CTNND2: variants seen among roughly 807,000 people sequenced by gnomAD.
CTNND2 encodes catenin delta-2.
A neutral mutation model predicts 144.4 loss-of-function variants in CTNND2; 22 were observed. The ratio of observed to expected loss-of-function variants is 0.15; its 90% CI spans 0.11 to 0.22. CTNND2 has a LOEUF of 0.22. CTNND2 is among the 10% of genes least tolerant of loss of function. The pLI is 1.00. For missense variants in CTNND2, 1,353 were observed against 1,618.8 expected (o/e 0.84, Z 2.82); for synonymous variants, 751 against 695.6 (o/e 1.08, Z -1.25).
intron 9 of CTNND2, 142 bp downstream of exon 9, chr5:11,346,230 C>T (rs1754762887): frequency 5.5e-6 from 4 of 721,952 alleles, no homozygotes; most frequent in Non-Finnish European, 8.0e-6. Flanking sequence ...ACACACATTC[C>T]AAGTCAAACA....
chr5:11,568,149 C>A (rs1279827328), intron 2 of CTNND2, among the ~76,000 whole-genome samples: 1 of 152,156 alleles, frequency 6.6e-6, no homozygotes, highest in Non-Finnish European at 1.5e-5. Flanking sequence ...TGTGTGAGTA[C>A]CAGGCACAGT....
chr5:11,650,408 C>T (rs1186029922), intron 2 of CTNND2, among the ~76,000 whole-genome samples: 2 of 152,044 alleles, frequency 1.3e-5, no homozygotes, highest in East Asian at 3.9e-4. Flanking sequence ...TATAGCAATG[C>T]AAGAATGGAC....
At chr5:11,550,113 C>T (rs773493575) in intron 3 of CTNND2, among the ~76,000 whole-genome samples, 4 of 152,198 alleles carry the variant, frequency 2.6e-5, no homozygotes, top group Non-Finnish European at 5.9e-5. Context: ...TTTGAAAACA[C>T]TTCTACATTA....
chr5:11,612,703 C>A (rs114716565), intron 2 of CTNND2, among the ~76,000 whole-genome samples: 1 of 151,846 alleles, frequency 6.6e-6, no homozygotes, highest in South Asian at 2.1e-4. Context: ...AGTTTGAGAC[C>A]GGCCTGGGCA....
At chr5:11,446,800 G>GACAGC (rs1358162798) in intron 3 of CTNND2, among the ~76,000 whole-genome samples, 2 of 152,164 alleles carry the variant, frequency 1.3e-5, no homozygotes, top group African/African-American at 4.8e-5. Context: ...CAGGCTAGGA[G>GACAGC]ACAGCATGCC....
In CTNND2 at chr5:11,459,902, T is replaced by C. The variant is rs117492716; in HGVS notation, c.288-47833A>G. Among the ~76,000 whole-genome samples, 394 of 152,316 alleles carry C rather than the reference T, an allele frequency of 2.6e-3. 12 individuals are homozygous for C. In the East Asian group the frequency reaches 0.065, roughly 25 times the overall value. On this transcript the variant is annotated intron_variant, in intron 3 of 21. Transcript: ENST00000304623. ...ATTCTTCACATGTCTCACGAACTTG[T>C]GGTCAATGTACTGATAGTGTCTGAT... is the stretch of plus-strand genomic sequence containing the variant.
chr5:11,249,177 G>T (rs879892757), intron 9 of CTNND2, among the ~76,000 whole-genome samples: 1 of 152,062 alleles, frequency 6.6e-6, no homozygotes, highest in Admixed American at 6.5e-5. Flanking sequence ...TGTTTTATGG[G>T]TTCATTTCCT....
At chr5:11,100,068 T>C (rs1278726568) in intron 14 of CTNND2, among the ~76,000 whole-genome samples, 1 of 152,216 alleles carries the variant, frequency 6.6e-6, no homozygotes, top group Non-Finnish European at 1.5e-5. Flanking sequence ...AAAGTTTTAC[T>C]GCAAGAAAAT....
intron 11 of CTNND2, among the ~76,000 whole-genome samples, chr5:11,161,521 C>T (rs1460856203): frequency 2.0e-5 from 3 of 152,102 alleles, no homozygotes; most frequent in African/African-American, 4.8e-5. Context: ...AATGTTTTGC[C>T]AAAGTTTGGT....
chr5:11,727,640 A>G (rs545551054), intron 2 of CTNND2, among the ~76,000 whole-genome samples: 1 of 152,216 alleles, frequency 6.6e-6, no homozygotes, highest in East Asian at 1.9e-4. Flanking sequence ...TATGCTATGG[A>G]TAATTCTTCC....
chr5:11,374,172 A>G (rs1409975361), intron 7 of CTNND2, among the ~76,000 whole-genome samples: 2 of 152,174 alleles, frequency 1.3e-5, no homozygotes, highest in African/African-American at 2.4e-5. Flanking sequence ...AAGCTAGGGA[A>G]AAGACCCCTA....
At chr5:11,245,217 T>C (rs1742871664) in intron 9 of CTNND2, among the ~76,000 whole-genome samples, 2 of 152,194 alleles carry the variant, frequency 1.3e-5, no homozygotes, top group Admixed American at 6.5e-5. Context: ...TGAGACCTTT[T>C]CTACCTGTCC....
At chr5:10,992,998 A>G (rs1579975910) in intron 18 of CTNND2, among the ~76,000 whole-genome samples, 1 of 152,092 alleles carries the variant, frequency 6.6e-6, no homozygotes, top group Non-Finnish European at 1.5e-5. Context: ...GGACCCGGAA[A>G]CTGTCTATTT....
chr5:11,198,821 G>C (rs1007339040), intron 11 of CTNND2, among the ~76,000 whole-genome samples: 1 of 152,164 alleles, frequency 6.6e-6, no homozygotes, highest in African/African-American at 2.4e-5. Context: ...AACACGGACT[G>C]TGTTTACATG....
intron 2 of CTNND2, among the ~76,000 whole-genome samples, chr5:11,667,842 T>C (rs1161448175): frequency 6.6e-6 from 1 of 152,200 alleles, no homozygotes; most frequent in Non-Finnish European, 1.5e-5. Flanking sequence ...TCTTTGACCA[T>C]GCCTATGTCC....
At chr5:10,984,340 A>G (rs1395228318) in intron 20 of CTNND2, among the ~76,000 whole-genome samples, 1 of 152,250 alleles carries the variant, frequency 6.6e-6, no homozygotes, top group African/African-American at 2.4e-5. Context: ...ATCTGCCTTC[A>G]GAGCTATAAT....
chr5:10,984,461 T>C (rs1737683959), intron 20 of CTNND2, among the ~76,000 whole-genome samples: 1 of 151,458 alleles, frequency 6.6e-6, no homozygotes, highest in Admixed American at 6.6e-5. Flanking sequence ...AGTCTTGGCC[T>C]CCCTCCCTGT....
chr5:11,262,761 C>CAATAAAAAAAAAAAAAAAA (rs1745017329), intron 9 of CTNND2, among the ~76,000 whole-genome samples: 1 of 45,680 alleles, frequency 2.2e-5, no homozygotes, highest in Non-Finnish European at 3.6e-5. Flanking sequence ...GACTCTGTCT[C>CAATAAAAAAAAAAAAAAAA]AAAAAAAAAA....
chr5:11,010,287 A>C (rs1740938985), intron 18 of CTNND2, among the ~76,000 whole-genome samples: 1 of 152,184 alleles, frequency 6.6e-6, no homozygotes, highest in Admixed American at 6.5e-5. Context: ...TTTCATCCCT[A>C]TCTTAGATAC....
Sources: gnomAD v4.1 joint callset for allele counts (sites outside exome capture counted in the v4.1 genomes callset) on GRCh38, gnomAD v4.1.1 for gene constraint, MANE v1.5 for transcripts, NCBI Gene and HGNC (gene_info 2026-07-23, HGNC 2026-07-21) for gene names.